EFCAB7: variants seen among roughly 807,000 people sequenced by gnomAD.
EFCAB7 encodes the protein EF-hand calcium-binding domain-containing protein 7.
A neutral mutation model predicts 77.1 loss-of-function variants in EFCAB7; 66 were observed. The observed-to-expected ratio is 0.86, with a 90% CI of 0.70 to 1.05. The LOEUF (loss-of-function observed/expected upper bound fraction) is 1.05. Ranked by LOEUF, EFCAB7 falls within the 50% of genes least tolerant of loss-of-function variation. The pLI, the probability that EFCAB7 is intolerant of heterozygous loss-of-function variation, is 0.00. For missense variants in EFCAB7, 638 were observed against 730.5 expected (o/e 0.87, Z 1.46); for synonymous variants, 225 against 243.3 (o/e 0.92, Z 0.70).
intron 7 of EFCAB7, chr1:63,547,636 T>C (rs1646915007): frequency 6.6e-6 from 1 of 152,246 alleles, no homozygotes. Flanking sequence ...TGTTCACTCA[T>C]GAATCAGTAG....
At chr1:63,539,940 A>G (rs1646807896) in intron 6 of EFCAB7, among the ~76,000 whole-genome samples, 1 of 147,540 alleles carries the variant, frequency 6.8e-6, no homozygotes, top group South Asian at 2.1e-4. Flanking sequence ...ATCCAAGGTC[A>G]TGTTGATTAT....
At chr1:63,560,524 T>C (rs1053696671) in intron 10 of EFCAB7, among the ~76,000 whole-genome samples, 8 of 143,666 alleles carry the variant, frequency 5.6e-5, no homozygotes, top group African/African-American at 1.0e-4. Flanking sequence ...TTTTTTTTTT[T>C]TTTTTTTTTT....
the EFCAB7 span, among the ~76,000 whole-genome samples, chr1:63,580,677 C>G: frequency 6.6e-6 from 1 of 152,120 alleles, no homozygotes; most frequent in East Asian, 1.9e-4. Context: ...GGGGAACTGG[C>G]ATGTTTATTA....
chr1:63,548,528 T>C (rs1646926622), intron 7 of EFCAB7: 1 of 152,176 alleles, frequency 6.6e-6, no homozygotes, highest in Admixed American at 6.5e-5. Flanking sequence ...ATGTGGCTTG[T>C]TGCCTTTCAT....
intron 2 of EFCAB7, chr1:63,528,028 C>CA (rs1444271768): frequency 6.6e-6 from 1 of 152,046 alleles, no homozygotes; most frequent in Non-Finnish European, 1.5e-5. Context: ...GGAGGCTTCT[C>CA]AAAAAACTAA....
intron 7 of EFCAB7, chr1:63,547,108 G>C (rs996174537): frequency 1.3e-5 from 2 of 152,040 alleles, no homozygotes; most frequent in African/African-American, 4.8e-5. Context: ...TCTCTTGTGG[G>C]ATACGTATAA....
chr1:63,553,161 A>C (rs1646986222), intron 8 of EFCAB7, among the ~76,000 whole-genome samples: 1 of 152,152 alleles, frequency 6.6e-6, no homozygotes, highest in African/African-American at 2.4e-5. Flanking sequence ...CCCATGAAAA[A>C]ACTTTCCATT....
chr1:63,537,616 A>G (rs945411924), intron 6 of EFCAB7, among the ~76,000 whole-genome samples: 3 of 152,180 alleles, frequency 2.0e-5, no homozygotes, highest in East Asian at 1.9e-4. Flanking sequence ...CAACCTGTCA[A>G]TTAGATTTCA....
chr1:63,546,172 A>C (rs778528571), intron 7 of EFCAB7, 115 bp downstream of exon 7: 95 of 1,131,920 alleles, frequency 8.4e-5, no homozygotes, highest in Non-Finnish European at 1.2e-4. Flanking sequence ...CCTAAGTAAG[A>C]ATTTATGGTT....
At chr1:63,543,323 A>G (rs1421750098) in intron 6 of EFCAB7, among the ~76,000 whole-genome samples, 4 of 152,108 alleles carry the variant, frequency 2.6e-5, no homozygotes, top group Non-Finnish European at 4.4e-5. Flanking sequence ...CTAGTACCAC[A>G]CCCTTTTGAT....
chr1:63,561,627 G>A (rs1038431057), intron 10 of EFCAB7, 82 bp from the exon 11 acceptor site: 27 of 848,674 alleles, frequency 3.2e-5, no homozygotes, highest in Non-Finnish European at 4.5e-5. Flanking sequence ...AAATATCTAT[G>A]AATAATAATA....
chr1:63,564,120 T>G (rs1047064206), intron 11 of EFCAB7, among the ~76,000 whole-genome samples: 12 of 152,186 alleles, frequency 7.9e-5, no homozygotes, highest in Non-Finnish European at 1.3e-4. Flanking sequence ...GAGCTAAATA[T>G]TGTGCTAAAT....
chr1:63,524,269 G>A (rs187620445), intron 1 of EFCAB7, among the ~76,000 whole-genome samples: 5 of 152,258 alleles, frequency 3.3e-5, no homozygotes, highest in East Asian at 3.9e-4. Context: ...CATTTGTGAG[G>A]AGATGCATGC....
chr1:63,568,964 T>C (rs2100929097), intron 12 of EFCAB7: 1 of 152,596 alleles, frequency 6.6e-6, no homozygotes, highest in East Asian at 1.9e-4. Context: ...CTAAATGTAT[T>C]CTACTGTCCC....
At chr1:63,525,814 G>C in intron 2 of EFCAB7, 55 bp downstream of exon 2, 6 of 1,228,994 alleles carry the variant, frequency 4.9e-6, no homozygotes, top group Non-Finnish European at 6.7e-6. Context: ...TTAATAAATA[G>C]GTCCGAAAGA....
intron 10 of EFCAB7, among the ~76,000 whole-genome samples, chr1:63,557,951 G>C (rs1052099879): frequency 2.0e-5 from 3 of 152,184 alleles, no homozygotes; most frequent in Admixed American, 1.3e-4. Flanking sequence ...CACTGGGATA[G>C]CTATATGTGG....
At chr1:63,559,517 T>C (rs761116644) in intron 10 of EFCAB7, among the ~76,000 whole-genome samples, 21 of 152,048 alleles carry the variant, frequency 1.4e-4, no homozygotes, top group Non-Finnish European at 2.6e-4. Context: ...GGACGGAGTG[T>C]AGTGGTGCAA....
chr1:63,537,937 T>C (rs1388585114), intron 6 of EFCAB7, among the ~76,000 whole-genome samples: 1 of 152,210 alleles, frequency 6.6e-6, no homozygotes, highest in East Asian at 1.9e-4. Context: ...TCATTTTCAT[T>C]CACTACAGTG....
rs371089600 is a variant in EFCAB7, at chr1:63,534,092, C to T, written c.683-3C>T. ...CAGACCAAATAATCATTACTTGTTGCAGGTGACACCAGGAGTTCTTTACTG... is the reference window on the plus strand; with the variant it reads ...CAGACCAAATAATCATTACTTGTTGTAGGTGACACCAGGAGTTCTTTACTG... On this transcript the variant is annotated splice_region_variant and splice_polypyrimidine_tract_variant and intron_variant, in intron 5 of 13. Transcript: ENST00000371088. 5 of 1,612,438 alleles carry T rather than the reference C, an allele frequency of 3.1e-6. No homozygotes were observed. The African/African-American group carries it at 6.7e-5, about 22-fold the overall frequency.
Sources: allele counts gnomAD v4.1 joint callset (sites outside exome capture counted in the v4.1 genomes callset), GRCh38; gene constraint gnomAD v4.1.1; transcripts MANE v1.5; gene names NCBI Gene and HGNC (gene_info 2026-07-23, HGNC 2026-07-21).